MSTO1: variants seen among roughly 807,000 people sequenced by gnomAD.
MSTO1 encodes the protein protein misato homolog 1.
MSTO1 carries 24 observed loss-of-function variants against 55.7 expected under a neutral mutation model. The ratio of observed to expected loss-of-function variants is 0.43; its 90% CI spans 0.31 to 0.61. The LOEUF is 0.61. MSTO1 is among the 20% of genes least tolerant of loss of function. The pLI is 0.09. For synonymous variants in MSTO1, 162 were observed against 252.8 expected (o/e 0.64, Z 3.41); for missense variants, 363 against 625.7 (o/e 0.58, Z 4.48).
At chr1:155,591,308 C>A in the MSTO1 span, 1 of 1,430,540 alleles carries the variant, frequency 7.0e-7, no homozygotes, top group Non-Finnish European at 9.5e-7. Context: ...TGCGAAATTC[C>A]TAGGCCAAGT....
At position 155,614,914 on chromosome 1, in the gene MSTO1, G is replaced by A. The variant is rs1675273633; in HGVS notation, c.*641G>A. On this transcript the variant is annotated 3_prime_UTR_variant, in exon 14 of 14. Transcript: ENST00000245564. The stretch of plus-strand genomic sequence containing the variant: ...TGTATTCACTGATCCTTAGTAACAT[G>A]TTAACATTTATGAAGCACTATATAT... The A allele has an allele frequency of 3.7e-6, 5 of 1,360,746 alleles. No individual in the cohort carries two copies. The highest frequency in any genetic ancestry group is 4.1e-6 in the Non-Finnish European group (4 of 972,594). The allele number at this position is 1,360,746 out of a possible 1,614,324, so 84.3% of individuals were successfully genotyped here.
chr1:155,585,840 T>G, the MSTO1 span, among the ~76,000 whole-genome samples: 1 of 152,170 alleles, frequency 6.6e-6, no homozygotes, highest in African/African-American at 2.4e-5. Flanking sequence ...GAGTAACCAT[T>G]ATTCTATTTG....
At chr1:155,609,243 A>ATATATTTTTTTTTT (rs59756178), upstream of MSTO1, among the ~76,000 whole-genome samples, 25 of 54,564 alleles carry the variant, frequency 4.6e-4, no homozygotes, top group Non-Finnish European at 6.6e-4. Flanking sequence ...ATATATATAT[A>ATATATTTTTTTTTT]TTTTTTTTTT....
At chr1:155,604,707 C>G in the MSTO1 span, among the ~76,000 whole-genome samples, 1 of 151,852 alleles carries the variant, frequency 6.6e-6, no homozygotes, top group Non-Finnish European at 1.5e-5. Flanking sequence ...GAAACCTCAT[C>G]TCTACAAAAA....
chr1:155,591,192 G>C, the MSTO1 span: 6 of 1,612,720 alleles, frequency 3.7e-6, no homozygotes, highest in East Asian at 1.1e-4. Context: ...CAGGACGCAG[G>C]AGACCAGGCC....
chr1:155,584,075 C>T, the MSTO1 span, among the ~76,000 whole-genome samples: 1 of 152,222 alleles, frequency 6.6e-6, no homozygotes, highest in African/African-American at 2.4e-5. Context: ...TTGGCGTCTT[C>T]ATTAAGTAGT....
At chr1:155,594,897 G>A in the MSTO1 span, among the ~76,000 whole-genome samples, 1 of 152,152 alleles carries the variant, frequency 6.6e-6, no homozygotes, top group Non-Finnish European at 1.5e-5. Context: ...AGCACTTTGG[G>A]AGGTCAGGGT....
upstream of MSTO1, among the ~76,000 whole-genome samples, chr1:155,609,227 ATATATATATATATATAT>A (rs1242612408): frequency 2.2e-5 from 1 of 44,684 alleles, no homozygotes; most frequent in Non-Finnish European, 5.2e-5. Context: ...GTATATATAT[ATATATATATATATATAT>A]TTTTTTTTTT....
the MSTO1 span, among the ~76,000 whole-genome samples, chr1:155,565,340 G>A: frequency 3.3e-5 from 5 of 150,954 alleles, no homozygotes; most frequent in Admixed American, 3.3e-4. Flanking sequence ...TGAAATGAAT[G>A]TTAGATACTT....
At chr1:155,564,577 G>C in the MSTO1 span, among the ~76,000 whole-genome samples, 1 of 152,194 alleles carries the variant, frequency 6.6e-6, no homozygotes, top group East Asian at 1.9e-4. Context: ...AGGATACGTG[G>C]ATTAAGTGTT....
At chr1:155,601,777 C>T in the MSTO1 span, among the ~76,000 whole-genome samples, 7 of 151,608 alleles carry the variant, frequency 4.6e-5, no homozygotes, top group African/African-American at 7.3e-5. Context: ...TTTTTTGAGA[C>T]GGAGTCTCAC....
chr1:155,598,825 GGA>G, the MSTO1 span: 1 of 1,328,990 alleles, frequency 7.5e-7, no homozygotes, highest in Admixed American at 1.7e-5. Context: ...TATTTTAGAT[GGA>G]GAGAAGGGAA....
chr1:155,574,623 G>A, the MSTO1 span, among the ~76,000 whole-genome samples: 3 of 152,104 alleles, frequency 2.0e-5, no homozygotes, highest in Non-Finnish European at 4.4e-5. Flanking sequence ...CTGGAGTGCA[G>A]TGGTGCAATC....
chr1:155,597,785 C>CAAA, the MSTO1 span, among the ~76,000 whole-genome samples: 3 of 150,498 alleles, frequency 2.0e-5, no homozygotes, highest in Non-Finnish European at 4.4e-5. Flanking sequence ...GCTGGGATTA[C>CAAA]AGGCGTGAGC....
At chr1:155,587,598 G>C in the MSTO1 span, among the ~76,000 whole-genome samples, 1 of 151,606 alleles carries the variant, frequency 6.6e-6, no homozygotes, top group South Asian at 2.1e-4. Context: ...AAAAAAATTA[G>C]CCGGGCGTGG....
chr1:155,600,556 C>CTTTTTTTTTTTTTTTTTTT, the MSTO1 span, among the ~76,000 whole-genome samples: 7 of 149,890 alleles, frequency 4.7e-5, no homozygotes, highest in African/African-American at 1.8e-4. Flanking sequence ...TTTTTTCTTT[C>CTTTTTTTTTTTTTTTTTTT]TTTTTTTTTG....
chr1:155,605,339 C>T (rs1334363557), upstream of MSTO1, among the ~76,000 whole-genome samples: 1 of 152,128 alleles, frequency 6.6e-6, no homozygotes, highest in Non-Finnish European at 1.5e-5. Context: ...ATCCTGCAGA[C>T]ATGAAACAGT....
At chr1:155,590,913 C>T in the MSTO1 span, 4 of 1,613,096 alleles carry the variant, frequency 2.5e-6, no homozygotes, top group Non-Finnish European at 3.4e-6. Context: ...AGGTGAGCAC[C>T]AGGCGGGCCT....
the MSTO1 span, among the ~76,000 whole-genome samples, chr1:155,570,748 C>A: frequency 6.6e-6 from 1 of 151,946 alleles, no homozygotes; most frequent in South Asian, 2.1e-4. Flanking sequence ...TAGGTATATA[C>A]CTATAGGAAA....
Sources: gnomAD v4.1 joint callset for allele counts (sites outside exome capture counted in the v4.1 genomes callset) on GRCh38, gnomAD v4.1.1 for gene constraint, MANE v1.5 for transcripts, NCBI Gene and HGNC (gene_info 2026-07-23, HGNC 2026-07-21) for gene names.